PDE10A: variants seen among roughly 807,000 people sequenced by gnomAD.
PDE10A encodes cAMP and cAMP-inhibited cGMP 3',5'-cyclic phosphodiesterase 10A.
In PDE10A, 39 loss-of-function variants were observed where a neutral mutation model predicts 97.7. That is an observed-to-expected ratio of 0.40 (90% CI 0.31 to 0.52). The LOEUF (loss-of-function observed/expected upper bound fraction) is 0.52, where lower values mean the gene tolerates loss of function less well. PDE10A is among the 20% of genes least tolerant of loss of function. The pLI is 0.56. For missense variants in PDE10A, 731 were observed against 1,047.8 expected, an observed-to-expected ratio of 0.70 and a Z score of 4.17; for synonymous variants, 371 against 376.8, an observed-to-expected ratio of 0.98 and a Z score of 0.18.
intron 1 of PDE10A, among the ~76,000 whole-genome samples, chr6:165,621,108 T>G (rs1287062164): frequency 6.6e-6 from 1 of 151,806 alleles, no homozygotes; most frequent in Non-Finnish European, 1.5e-5. Flanking sequence ...TAATTCTACA[T>G]GTATTGTCCT....
intron 1 of PDE10A, among the ~76,000 whole-genome samples, chr6:165,765,321 C>A (rs1170601707): frequency 6.6e-6 from 1 of 152,220 alleles, no homozygotes; most frequent in Admixed American, 6.5e-5. Context: ...TGGGACTGGG[C>A]GCTGTAGAGC....
intron 13 of PDE10A, among the ~76,000 whole-genome samples, chr6:165,404,553 C>A (rs1786955632): frequency 6.6e-6 from 1 of 151,902 alleles, no homozygotes; most frequent in Admixed American, 6.6e-5. Context: ...AAAACCTGGA[C>A]CCAGATCACT....
chr6:165,720,515 T>C (rs1395232234), intron 1 of PDE10A, among the ~76,000 whole-genome samples: 1 of 152,122 alleles, frequency 6.6e-6, no homozygotes, highest in Non-Finnish European at 1.5e-5. Context: ...GAATAAAAAA[T>C]CAGAAAGAAA....
rs80319082 is a variant in PDE10A, at chr6:165,750,658, A to C, written c.-614-207090T>G. Among the ~76,000 whole-genome samples the C allele has an allele frequency of 6.1e-3, 924 of 152,230 alleles. 10 individuals carry two copies. The highest frequency in any genetic ancestry group is 0.021 in the African/African-American group (886 of 41,550). On this transcript the variant is annotated intron_variant, in intron 1 of 19. Coordinates refer to the PDE10A transcript ENST00000366882. ...GCCTGCACATTTTCTTCAACTTCTG[A>C]GTGGAGTTCTTTGACTGTCATGAGG...
At chr6:165,606,551 C>A (rs1349504771) in intron 1 of PDE10A, among the ~76,000 whole-genome samples, 1 of 152,124 alleles carries the variant, frequency 6.6e-6, no homozygotes, top group East Asian at 1.9e-4. Context: ...CTTCCACCTG[C>A]TATTGATCAA....
At chr6:165,729,957 A>G (rs1252888293) in intron 1 of PDE10A, among the ~76,000 whole-genome samples, 1 of 152,240 alleles carries the variant, frequency 6.6e-6, no homozygotes, top group African/African-American at 2.4e-5. Flanking sequence ...AGACTTCCAT[A>G]TATTTATATA....
chr6:165,459,894 AG>A (rs1402810616), intron 3 of PDE10A, among the ~76,000 whole-genome samples: 3 of 152,380 alleles, frequency 2.0e-5, no homozygotes, highest in Admixed American at 2.0e-4. Context: ...TCAGCGAGTC[AG>A]GCCGCCAGAT....
chr6:165,537,675 G>A (rs559258349), intron 2 of PDE10A, among the ~76,000 whole-genome samples: 11 of 151,948 alleles, frequency 7.2e-5, no homozygotes, highest in East Asian at 3.9e-4. Context: ...AGATGAATTC[G>A]TATCAACTTT....
chr6:165,615,097 C>G (rs1369961582), intron 1 of PDE10A, among the ~76,000 whole-genome samples: 1 of 151,484 alleles, frequency 6.6e-6, no homozygotes, highest in African/African-American at 2.4e-5. Flanking sequence ...GTAATTCTAG[C>G]TACTCAGGAG....
Position 165,908,208 on chromosome 6 carries a change from C to T in PDE10A, c.-615+79321G>A, listed in dbSNP as rs114291541. ...TGGAAATGAAGCCACAGGAAGGAGT[C>T]GGGCTCTGTCCCTGTTCGCAGAGAG... On this transcript the variant is annotated intron_variant, in intron 1 of 19. Transcript: ENST00000366882. Among the ~76,000 whole-genome samples the T allele has an allele frequency of 5.9e-5, 9 of 152,300 alleles. No homozygotes were observed. The South Asian group carries it at 1.2e-3, about 21-fold the overall frequency.
At chr6:165,573,890 GT>G (rs1785174040) in intron 1 of PDE10A, among the ~76,000 whole-genome samples, 2 of 152,224 alleles carry the variant, frequency 1.3e-5, no homozygotes, top group African/African-American at 4.8e-5. Flanking sequence ...GGAAGACTGT[GT>G]GCGTCAGCCG....
chr6:165,487,018 A>AC (rs903519165), intron 2 of PDE10A, among the ~76,000 whole-genome samples: 1 of 152,158 alleles, frequency 6.6e-6, no homozygotes, highest in Non-Finnish European at 1.5e-5. Flanking sequence ...AATACTACCA[A>AC]CCACAAAAGA....
At chr6:165,783,635 A>G (rs1021520284) in intron 1 of PDE10A, among the ~76,000 whole-genome samples, 15 of 152,348 alleles carry the variant, frequency 9.8e-5, no homozygotes, top group African/African-American at 3.4e-4. Context: ...TCATCAGTTT[A>G]GAGAAATCTC....
intron 1 of PDE10A, among the ~76,000 whole-genome samples, chr6:165,953,455 G>A (rs1784032581): frequency 6.6e-6 from 1 of 152,064 alleles, no homozygotes; most frequent in South Asian, 2.1e-4. Context: ...GCCGGGTGTG[G>A]TGGCGCACAC....
intron 1 of PDE10A, among the ~76,000 whole-genome samples, chr6:165,727,683 G>A (rs1204782949): frequency 6.6e-6 from 1 of 152,174 alleles, no homozygotes; most frequent in East Asian, 1.9e-4. Flanking sequence ...GAGATCAAAA[G>A]TAATTTAAAA....
rs1403331632 is a variant in PDE10A at position 165,725,376 on chromosome 6, TC to T, written c.-614-181809del. Among the ~76,000 whole-genome samples the T allele has an allele frequency of 1.2e-4, 18 of 152,272 alleles. 1 individual carries two copies. In the East Asian group the frequency reaches 2.7e-3, roughly 23 times the overall value. ...CTAGGGCTTTGGAAGCTGTACACAC[TC>T]AACCCTAGAGGGTGCCATGGGGCCA... On this transcript the variant is annotated intron_variant, in intron 1 of 19. Coordinates refer to the PDE10A transcript ENST00000366882.
At chr6:165,826,352 CCG>C (rs1405892150) in intron 1 of PDE10A, among the ~76,000 whole-genome samples, 1 of 137,272 alleles carries the variant, frequency 7.3e-6, no homozygotes. Flanking sequence ...CCCTGTGTCC[CCG>C]TGTCCCTCTG....
intron 1 of PDE10A, among the ~76,000 whole-genome samples, chr6:165,789,922 G>A (rs1402913159): frequency 1.3e-5 from 2 of 152,098 alleles, no homozygotes; most frequent in Admixed American, 1.3e-4. Context: ...CATGTTTGTG[G>A]ATAAGAAAGA....
At chr6:165,775,360 C>A (rs1778150530) in intron 1 of PDE10A, 1 of 152,198 alleles carries the variant, frequency 6.6e-6, no homozygotes, top group South Asian at 2.1e-4. Flanking sequence ...GTGGCCATAA[C>A]AACCACTTCA....
Sources: allele counts gnomAD v4.1 joint callset (sites outside exome capture counted in the v4.1 genomes callset), GRCh38; gene constraint gnomAD v4.1.1; transcripts MANE v1.5; gene names NCBI Gene and HGNC (gene_info 2026-07-23, HGNC 2026-07-21).